DAB1: variants seen among roughly 807,000 people sequenced by gnomAD.
DAB1 encodes the protein disabled homolog 1.
Under a neutral mutation model 64.6 loss-of-function variants are expected in DAB1, and 15 were observed. The observed-to-expected ratio is 0.23, with a 90% CI of 0.16 to 0.36. The LOEUF is 0.36. Ranked by LOEUF, DAB1 falls within the 10% of genes least tolerant of loss-of-function variation. The pLI, the probability that DAB1 is intolerant of heterozygous loss-of-function variation, is 1.00. For synonymous variants in DAB1, 235 were observed against 251.9 expected, an observed-to-expected ratio of 0.93 and a Z score of 0.64; for missense variants, 596 against 706.7, an observed-to-expected ratio of 0.84 and a Z score of 1.78.
At chr1:57,528,636 GGACACACACACA>G (rs201012982) in intron 7 of DAB1, among the ~76,000 whole-genome samples, 26,129 of 54,674 alleles carry the variant, frequency 0.48, 2,731 homozygotes, top group Middle Eastern at 0.56. Flanking sequence ...AAAAGCAGCA[GGACACACACACA>G]CACACACACA....
rs540446749 is a variant in DAB1 at position 58,044,455 on chromosome 1, G to A, written n.387+106056C>T. 4.6e-5 allele frequency among the ~76,000 whole-genome samples: 7 copies of A among 151,464 alleles called. No individual in the cohort carries two copies. The South Asian group carries it at 6.3e-4, about 14-fold the overall frequency. On this transcript the variant is annotated intron_variant and non_coding_transcript_variant, in intron 5 of 20. Transcript: ENST00000485760. ...TTCTTAGCTCTTCCATCTTGTATGC[G>A]ACCAACTCCTTTATTGAATCTTTCC...
At chr1:57,559,071 A>G (rs1645022211) in intron 7 of DAB1, among the ~76,000 whole-genome samples, 1 of 152,214 alleles carries the variant, frequency 6.6e-6, no homozygotes, top group African/African-American at 2.4e-5. Flanking sequence ...GCAGGGGCCA[A>G]GTGGTACATT....
chr1:58,290,367 G>T (rs1661787585), intron 4 of DAB1, among the ~76,000 whole-genome samples: 1 of 152,150 alleles, frequency 6.6e-6, no homozygotes, highest in Non-Finnish European at 1.5e-5. Context: ...ATCATAGACA[G>T]AATGAACAGT....
chr1:57,802,230 T>C (rs1180066696), intron 6 of DAB1, among the ~76,000 whole-genome samples: 4 of 152,210 alleles, frequency 2.6e-5, no homozygotes, highest in Non-Finnish European at 4.4e-5. Context: ...TGGTGGTAGG[T>C]GAGGCTGTTA....
chr1:57,597,641 A>G (rs1254399392), intron 7 of DAB1, among the ~76,000 whole-genome samples: 3 of 152,234 alleles, frequency 2.0e-5, no homozygotes, highest in Non-Finnish European at 2.9e-5. Flanking sequence ...GCTAACAATA[A>G]CAGGTAACTT....
At chr1:57,581,695 T>C (rs1252222337) in intron 7 of DAB1, among the ~76,000 whole-genome samples, 1 of 147,706 alleles carries the variant, frequency 6.8e-6, no homozygotes, top group Non-Finnish European at 1.5e-5. Flanking sequence ...ATATAACATA[T>C]ACTATATAAT....
chr1:57,291,282 A>C, intron 1 of DAB1, 116 bp from the exon 2 acceptor site: 1 of 336,796 alleles, frequency 3.0e-6, no homozygotes. Flanking sequence ...TTATGCAAAA[A>C]CTGCTCCCAT....
At chr1:58,150,021 T>C (rs1462851256) in intron 5 of DAB1, among the ~76,000 whole-genome samples, 2 of 152,252 alleles carry the variant, frequency 1.3e-5, no homozygotes, top group African/African-American at 4.8e-5. Flanking sequence ...AATGATTACA[T>C]TAGCTTCCAT....
chr1:58,248,816 T>C (rs1660671563), intron 4 of DAB1, among the ~76,000 whole-genome samples: 1 of 152,156 alleles, frequency 6.6e-6, no homozygotes, highest in South Asian at 2.1e-4. Context: ...AACCCCACTC[T>C]GCAGCAGAAC....
intron 4 of DAB1, among the ~76,000 whole-genome samples, chr1:57,086,346 C>T (rs1252502340): frequency 6.6e-6 from 1 of 152,084 alleles, no homozygotes; most frequent in Non-Finnish European, 1.5e-5. Flanking sequence ...GCTGAAGCAT[C>T]GGGGAGGTTG....
intron 5 of DAB1, among the ~76,000 whole-genome samples, chr1:58,010,553 T>C (rs1646653005): frequency 6.6e-6 from 1 of 152,180 alleles, no homozygotes; most frequent in Non-Finnish European, 1.5e-5. Flanking sequence ...GTTTAATTAG[T>C]TTTGTCAAGT....
At chr1:57,883,776 G>T (rs143190087) in intron 1 of DAB1, among the ~76,000 whole-genome samples, 1 of 152,182 alleles carries the variant, frequency 6.6e-6, no homozygotes. Flanking sequence ...AAAGGCATGC[G>T]CCTTTCAGTT....
intron 2 of DAB1, among the ~76,000 whole-genome samples, chr1:58,507,422 C>T (rs958413415): frequency 2.0e-5 from 3 of 151,778 alleles, no homozygotes; most frequent in Non-Finnish European, 4.4e-5. Flanking sequence ...TAACAAATAC[C>T]ATTAAAGCAT....
chr1:57,863,556 TG>T (rs1299184660), intron 1 of DAB1, among the ~76,000 whole-genome samples: 3 of 151,960 alleles, frequency 2.0e-5, no homozygotes, highest in Non-Finnish European at 1.5e-5. Context: ...ACAACTTGGG[TG>T]GTGTGAAAGT....
At chr1:57,260,169 C>T (rs1277186758) in intron 2 of DAB1, among the ~76,000 whole-genome samples, 2 of 152,170 alleles carry the variant, frequency 1.3e-5, no homozygotes, top group African/African-American at 4.8e-5. Context: ...GGCAACAATA[C>T]ACCAGGGCTG....
intron 9 of DAB1, among the ~76,000 whole-genome samples, chr1:57,032,794 A>G (rs1647005131): frequency 6.6e-6 from 1 of 152,194 alleles, no homozygotes; most frequent in African/African-American, 2.4e-5. Context: ...AGGAGTGGTA[A>G]TATTCATTGG....
intron 4 of DAB1, among the ~76,000 whole-genome samples, chr1:58,324,969 C>T (rs1452828684): frequency 2.0e-5 from 3 of 152,246 alleles, no homozygotes; most frequent in Non-Finnish European, 4.4e-5. Flanking sequence ...GACTAACCAA[C>T]TTGTTTTTCT....
intron 6 of DAB1, among the ~76,000 whole-genome samples, chr1:57,785,107 T>A (rs1650277775): frequency 6.6e-6 from 1 of 152,192 alleles, no homozygotes; most frequent in African/African-American, 2.4e-5. Context: ...TCTAGAAATA[T>A]AACAACAAAG....
At chr1:57,945,311 G>A (rs921552142) in intron 5 of DAB1, among the ~76,000 whole-genome samples, 1 of 152,092 alleles carries the variant, frequency 6.6e-6, no homozygotes, top group Non-Finnish European at 1.5e-5. Flanking sequence ...CCAAGCTGGA[G>A]TGTAGTGGTT....
Sources: gnomAD v4.1 joint callset for allele counts (sites outside exome capture counted in the v4.1 genomes callset) on GRCh38, gnomAD v4.1.1 for gene constraint, MANE v1.5 for transcripts, NCBI Gene and HGNC (gene_info 2026-07-23, HGNC 2026-07-21) for gene names.